The following FGF13 variants were observed in gnomAD, a reference collection of about 807,000 sequenced individuals.
The protein encoded by FGF13 is fibroblast growth factor 13, also known as fibroblast growth factor homologous factor 2.
FGF13 carries 2 observed loss-of-function variants against 19.5 expected under a neutral mutation model. The observed-to-expected ratio is 0.10, with a 90% confidence interval of 0.04 to 0.32. The LOEUF (loss-of-function observed/expected upper bound fraction) is 0.32. Ranked by LOEUF, FGF13 falls within the 10% of genes least tolerant of loss-of-function variation. FGF13 has a pLI of 1.00. For synonymous variants in FGF13, 72 were observed against 76.9 expected, an observed-to-expected ratio of 0.94 and a Z score of 0.33; for missense variants, 113 against 192.7, an observed-to-expected ratio of 0.59 and a Z score of 2.45.
At chrX:138,949,215 C>T (rs1216010057) in intron 1 of FGF13, among the ~76,000 whole-genome samples, 1 of 112,272 alleles carries the variant, frequency 8.9e-6, no homozygotes. Context: ...GCTGCCATAA[C>T]AAATTACCAG....
chrX:139,093,960 G>A (rs1322978311), intron 1 of FGF13, among the ~76,000 whole-genome samples: 1 of 112,137 alleles, frequency 8.9e-6, no homozygotes, highest in Admixed American at 9.4e-5. Context: ...AAGGATCTGA[G>A]ACTGGGAGCA....
At chrX:138,670,071 C>G (rs2089596279) in intron 3 of FGF13, among the ~76,000 whole-genome samples, 1 of 111,816 alleles carries the variant, frequency 8.9e-6, no homozygotes, top group African/African-American at 3.2e-5. Context: ...AAAAAAACGT[C>G]AAGAATATCA....
chrX:139,134,529 C>T (rs2083784722), intron 1 of FGF13, among the ~76,000 whole-genome samples: 1 of 111,206 alleles, frequency 9.0e-6, no homozygotes, highest in Admixed American at 9.6e-5. Flanking sequence ...CTTGCATCAC[C>T]TTGCATCATG....
At chrX:138,779,297 G>A (rs1412418987) in intron 3 of FGF13, among the ~76,000 whole-genome samples, 4 of 112,085 alleles carry the variant, frequency 3.6e-5, no homozygotes, top group African/African-American at 1.3e-4. Context: ...CACCAGCAAC[G>A]AAACAAAGCT....
At chrX:138,784,776 A>G (rs911414696) in intron 3 of FGF13, among the ~76,000 whole-genome samples, 3 of 111,450 alleles carry the variant, frequency 2.7e-5, no homozygotes, top group Non-Finnish European at 5.6e-5. Context: ...TTGATAATCC[A>G]TTATATTCAC....
At chrX:139,164,988 C>A (rs910662806) in intron 1 of FGF13, among the ~76,000 whole-genome samples, 2 of 111,189 alleles carry the variant, frequency 1.8e-5, no homozygotes, top group African/African-American at 6.5e-5. Flanking sequence ...CTGGGGAGGG[C>A]TCAGAAGAAA....
intron 3 of FGF13, among the ~76,000 whole-genome samples, chrX:138,765,919 T>C (rs1337048919): frequency 9.0e-6 from 1 of 111,714 alleles, no homozygotes; most frequent in Non-Finnish European, 1.9e-5. Context: ...TACTTGCTAT[T>C]TCCTCTGCTG....
chrX:138,772,193 C>T (rs1389586791), intron 3 of FGF13, among the ~76,000 whole-genome samples: 1 of 107,511 alleles, frequency 9.3e-6, no homozygotes, highest in Non-Finnish European at 1.9e-5. Flanking sequence ...GGAAAAAAAG[C>T]AAGAATTAAA....
At chrX:138,810,374 G>C (rs2090912575) in intron 3 of FGF13, among the ~76,000 whole-genome samples, 1 of 111,413 alleles carries the variant, frequency 9.0e-6, no homozygotes, top group East Asian at 2.8e-4. Flanking sequence ...ATGGTGCTGG[G>C]AAAACTGGCT....
At chrX:139,146,071 T>C (rs750539947) in intron 1 of FGF13, among the ~76,000 whole-genome samples, 11 of 111,801 alleles carry the variant, frequency 9.8e-5, no homozygotes, top group African/African-American at 3.6e-4. Context: ...AAGGACTTCA[T>C]GACTAAAACA....
At chrX:138,908,071 CT>C (rs757824173) in intron 1 of FGF13, among the ~76,000 whole-genome samples, 16,648 of 57,884 alleles carry the variant, frequency 0.29, 1,524 homozygotes, top group South Asian at 0.44. Context: ...TAATCATTTT[CT>C]TTTTTTTTTT....
intron 1 of FGF13, among the ~76,000 whole-genome samples, chrX:139,126,836 G>A (rs754182171): frequency 9.0e-6 from 1 of 111,318 alleles, no homozygotes; most frequent in East Asian, 2.9e-4. Context: ...TCTGAGAATG[G>A]CTTCACCAGG....
intron 1 of FGF13, among the ~76,000 whole-genome samples, chrX:139,166,353 AT>A (rs1402801644): frequency 1.8e-5 from 2 of 111,033 alleles, no homozygotes; most frequent in African/African-American, 6.6e-5. Context: ...AGAAGGACGT[AT>A]TTGCTACCCT....
At chrX:138,923,375 C>T (rs755941854) in intron 1 of FGF13, among the ~76,000 whole-genome samples, 1 of 112,045 alleles carries the variant, frequency 8.9e-6, no homozygotes, top group African/African-American at 3.2e-5. Flanking sequence ...TTCAGCTCCA[C>T]TAACTTACTA....
chrX:139,151,266 A>C (rs1353911324), intron 1 of FGF13, among the ~76,000 whole-genome samples: 1 of 111,812 alleles, frequency 8.9e-6, no homozygotes, highest in Non-Finnish European at 1.9e-5. Context: ...AATGTGTGCC[A>C]GATCAGTACT....
At chrX:138,888,455 A>G (rs762284752) in intron 1 of FGF13, among the ~76,000 whole-genome samples, 1 of 110,474 alleles carries the variant, frequency 9.1e-6, no homozygotes, top group South Asian at 3.9e-4. Flanking sequence ...TTAGCATGGA[A>G]CCTGGCTTAG....
At chrX:138,710,054 C>T (rs763583895) in intron 1 of FGF13, among the ~76,000 whole-genome samples, 1 of 111,112 alleles carries the variant, frequency 9.0e-6, no homozygotes, top group Non-Finnish European at 1.9e-5. Flanking sequence ...TCTGCCTTGA[C>T]GCAACCTGAC....
intron 3 of FGF13, among the ~76,000 whole-genome samples, chrX:138,653,533 A>G (rs2089400511): frequency 8.9e-6 from 1 of 112,120 alleles, no homozygotes; most frequent in Admixed American, 9.5e-5. Context: ...AGCAATAAAC[A>G]CAAAATGTAT....
intron 1 of FGF13, among the ~76,000 whole-genome samples, chrX:139,108,231 T>C (rs2083573581): frequency 9.0e-6 from 1 of 111,708 alleles, no homozygotes; most frequent in Admixed American, 9.5e-5. Flanking sequence ...TGTAAGAAAA[T>C]ATATTCCAAA....
Sources: gnomAD v4.1 joint callset for allele counts (sites outside exome capture counted in the v4.1 genomes callset) on GRCh38, gnomAD v4.1.1 for gene constraint, MANE v1.5 for transcripts, NCBI Gene and HGNC (gene_info 2026-07-23, HGNC 2026-07-21) for gene names.